UBE4B: variants seen among roughly 807,000 people sequenced by gnomAD.
The protein encoded by UBE4B is ubiquitination factor E4B.
In UBE4B, 27 loss-of-function variants were observed where a neutral mutation model predicts 148.1. The observed-to-expected ratio is 0.18, with a 90% CI of 0.13 to 0.25. UBE4B has a LOEUF of 0.25. Ranked by LOEUF, UBE4B falls within the 10% of genes least tolerant of loss-of-function variation. UBE4B has a pLI of 1.00. For synonymous variants in UBE4B, 596 were observed against 619.3 expected, an observed-to-expected ratio of 0.96 and a Z score of 0.56; for missense variants, 1,170 against 1,662.4, an observed-to-expected ratio of 0.70 and a Z score of 5.15.
At chr1:10,040,541 A>G (rs1643716977) in intron 1 of UBE4B, among the ~76,000 whole-genome samples, 1 of 151,380 alleles carries the variant, frequency 6.6e-6, no homozygotes, top group African/African-American at 2.4e-5. Context: ...TTAATTTTGG[A>G]CCACCAAAAA....
chr1:10,156,239 CT>C (rs199801311), intron 21 of UBE4B, among the ~76,000 whole-genome samples: 23,231 of 123,516 alleles, frequency 0.19, 3,111 homozygotes, highest in African/African-American at 0.44. Context: ...ATTTTCTTTT[CT>C]TTTTTTTTTT....
chr1:10,078,859 C>T (rs1361369310), intron 2 of UBE4B, among the ~76,000 whole-genome samples: 1 of 152,162 alleles, frequency 6.6e-6, no homozygotes, highest in African/African-American at 2.4e-5. Context: ...AAGACAAAGT[C>T]AGGCTGGAGT....
chr1:10,130,421 G>A, intron 12 of UBE4B, 79 bp from the exon 13 acceptor site: 1 of 1,143,318 alleles, frequency 8.7e-7, no homozygotes, highest in East Asian at 2.4e-5. Context: ...AAAATACAGA[G>A]GAGCTGGAGA....
chr1:10,079,787 G>A (rs1644646886), intron 2 of UBE4B, among the ~76,000 whole-genome samples: 1 of 151,840 alleles, frequency 6.6e-6, no homozygotes, highest in African/African-American at 2.4e-5. Context: ...CTTTTCTTTG[G>A]CTGCTAGTTT....
In UBE4B at chr1:10,168,817, G is replaced by A. The variant is rs1352002954; in HGVS notation, c.3333+547G>A. Reference sequence around the variant, plus strand: ...TGAGGCAGGAGAATGGCGTGAACCCGGGAGGCAGAGCTGGCAGTGAGCCGA... The same window carrying A: ...TGAGGCAGGAGAATGGCGTGAACCCAGGAGGCAGAGCTGGCAGTGAGCCGA... On this transcript the variant is annotated intron_variant, in intron 24 of 27. Transcript: ENST00000343090. This position sits in a 1 kb window ranked among gnomAD's most constrained non-coding sequence, Gnocchi z 4.9. 2.0e-5 allele frequency among the ~76,000 whole-genome samples: 3 copies of A among 151,688 alleles called. No individual in the cohort carries two copies. Among genetic ancestry groups the A allele is most frequent in the South Asian group, 2.1e-4 (1 of 4,802 alleles).
At chr1:10,130,929 C>T (rs984061137) in intron 14 of UBE4B, 116 bp downstream of exon 14, 5 of 829,178 alleles carry the variant, frequency 6.0e-6, no homozygotes, top group Admixed American at 2.4e-5. Context: ...AAAGCCAATT[C>T]GATCTTACAT....
chr1:10,058,358 C>T (rs1472184140), intron 1 of UBE4B, among the ~76,000 whole-genome samples: 1 of 152,200 alleles, frequency 6.6e-6, no homozygotes. Flanking sequence ...TGTTTCCACT[C>T]TGTCATATTC....
chr1:10,054,940 C>A (rs1018235568), intron 1 of UBE4B, among the ~76,000 whole-genome samples: 4 of 152,030 alleles, frequency 2.6e-5, no homozygotes, highest in African/African-American at 4.8e-5. Context: ...CATGCACCAC[C>A]ATGCCCAGCT....
At chr1:10,107,301 G>C in intron 7 of UBE4B, 1 of 1,289,692 alleles carries the variant, frequency 7.8e-7, no homozygotes, top group Non-Finnish European at 1.0e-6. Flanking sequence ...AGAAGAAGAT[G>C]ATGATGATGG....
intron 2 of UBE4B, among the ~76,000 whole-genome samples, chr1:10,084,014 C>T (rs997020070): frequency 1.3e-5 from 2 of 152,064 alleles, no homozygotes; most frequent in Admixed American, 6.6e-5. Flanking sequence ...TTTCCCTATC[C>T]GCAGCCCCCA....
chr1:10,063,096 C>T (rs748216416), intron 1 of UBE4B, among the ~76,000 whole-genome samples: 56 of 151,862 alleles, frequency 3.7e-4, no homozygotes, highest in Non-Finnish European at 7.2e-4. Flanking sequence ...GGTGAAACCC[C>T]GTCTCTAATA....
At chr1:10,061,597 G>C (rs1284532084) in intron 1 of UBE4B, among the ~76,000 whole-genome samples, 1 of 152,052 alleles carries the variant, frequency 6.6e-6, no homozygotes, top group Non-Finnish European at 1.5e-5. Context: ...TTGCCTGGGA[G>C]AGTCATCTTT....
At position 10,121,320 on chromosome 1, in the gene UBE4B, A is replaced by C. The variant is rs1645406294; in HGVS notation, c.1440-642A>C. ...CAGTGAGCCGAAATTGCGCCACCAT[A>C]CTCCAGCCTGGGCAACAGAGCGAGA... On this transcript the variant is annotated intron_variant, in intron 9 of 27. Transcript: ENST00000343090. Among the ~76,000 whole-genome samples, 7 of 152,242 alleles carry C rather than the reference A, an allele frequency of 4.6e-5. No homozygotes were observed. In the South Asian group the frequency reaches 1.5e-3, roughly 32 times the overall value.
At position 10,137,105 on chromosome 1, in the gene UBE4B, A is replaced by T. The variant is rs780909483; in HGVS notation, c.2263A>T (p.Thr755Ser). ...QPPFSEPKFP[T>S]ECFFLTLHAH... The stretch of plus-strand genomic sequence containing the variant: ...TCCATTTTCTGAGCCGAAATTCCCT[A>T]CGGAGTGCTTCTTTCTCACCCTGCA... The change falls in exon 17 of 28, where the codon ACG becomes TCG. Residue 755 changes from threonine (T) to serine (S), a missense_variant. Thr to Ser is a moderately conservative substitution (Grantham distance 58). Coordinates refer to ENST00000343090, the MANE Select transcript of UBE4B (RefSeq NM_001105562.3). The T allele has an allele frequency of 3.7e-6, 6 of 1,614,152 alleles. No individual in the cohort carries two copies. The highest frequency in any genetic ancestry group is 5.1e-6 in the Non-Finnish European group (6 of 1,180,030).
intron 1 of UBE4B, among the ~76,000 whole-genome samples, chr1:10,035,863 C>A (rs1643504257): frequency 1.3e-5 from 2 of 149,748 alleles, no homozygotes; most frequent in East Asian, 2.0e-4. Flanking sequence ...CCTGCCTCAG[C>A]CTCCCGAGTA....
intron 2 of UBE4B, among the ~76,000 whole-genome samples, chr1:10,073,323 C>T (rs1469517429): frequency 6.6e-6 from 1 of 152,174 alleles, no homozygotes; most frequent in African/African-American, 2.4e-5. Flanking sequence ...AAACCAGGAT[C>T]TTGGTTAAAT....
intron 1 of UBE4B, among the ~76,000 whole-genome samples, chr1:10,043,421 C>CTTTTTTTTT (rs35513799): frequency 1.8e-5 from 2 of 110,860 alleles, no homozygotes; most frequent in African/African-American, 3.5e-5. Context: ...TGAGATGCTG[C>CTTTTTTTTT]TTTTTTTTTT....
intron 2 of UBE4B, among the ~76,000 whole-genome samples, chr1:10,082,899 A>C (rs1644707951): frequency 6.6e-6 from 1 of 151,678 alleles, no homozygotes; most frequent in Non-Finnish European, 1.5e-5. Flanking sequence ...ATGAGTGAGA[A>C]TGTGCAGTGT....
Position 10,161,343 on chromosome 1 carries a change from G to A in UBE4B, c.3198+57G>A, listed in dbSNP as rs2273300. 5.5e-3 allele frequency: 8,672 copies of A among 1,580,330 alleles called. 341 individuals are homozygous for A. The East Asian group carries it at 0.095, about 17-fold the overall frequency. ...TTGCAGGCCATCTGCCTCCACACAC[G>A]GGCAGAGCTGCTTTGGGGCTGCATT... On this transcript the variant is annotated intron_variant, in intron 23 of 27. Transcript: ENST00000343090. The surrounding 1 kb of genome is among the most constrained non-coding windows in gnomAD (Gnocchi z 4.1).
Sources: allele counts gnomAD v4.1 joint callset (sites outside exome capture counted in the v4.1 genomes callset), GRCh38; gene constraint gnomAD v4.1.1; non-coding constraint Gnocchi (gnomAD v3.1); transcripts MANE v1.5; gene names NCBI Gene and HGNC (gene_info 2026-07-23, HGNC 2026-07-21).